The following DNAH7 variants were observed in gnomAD, a reference collection of about 807,000 sequenced individuals.
DNAH7 encodes dynein axonemal heavy chain 7.
In DNAH7, 397 loss-of-function variants were observed where a neutral mutation model predicts 444.6. The observed-to-expected ratio is 0.89, with a 90% CI of 0.82 to 0.97. The LOEUF (loss-of-function observed/expected upper bound fraction) is 0.97, where lower values mean the gene tolerates loss of function less well. Among genes scored for constraint, DNAH7 ranks in the 50% least tolerant of loss-of-function variants. The pLI is 0.00. For synonymous variants in DNAH7, 1,636 were observed against 1,624.4 expected (o/e 1.01, Z -0.17); for missense variants, 4,902 against 4,800.8 (o/e 1.02, Z -0.62).
In DNAH7 at chr2:196,001,692, A is replaced by C. The variant is rs1262277307; in HGVS notation, c.1156T>G (p.Leu386Val). The C allele has an allele frequency of 6.3e-7, 1 of 1,577,804 alleles. No homozygotes were observed. Among genetic ancestry groups the C allele is most frequent in the Non-Finnish European group, 8.6e-7 (1 of 1,162,324 alleles). ...TLVSMQDFTD[L>V]IAQPPDSVRA... ...ATACTTACTGGGGGTTGTGCAATTA[A>C]GTCCGTGAAATCTTGCATGGAGACT... Residue 386 changes from leucine to valine, a missense_variant, in exon 11 of 65, where the codon TTA becomes GTA. Coordinates refer to ENST00000312428, the MANE Select transcript of DNAH7 (RefSeq NM_018897.3).
rs1700847819 is a variant in DNAH7 at position 195,873,626 on chromosome 2, T to C, written c.6355A>G (p.Ser2119Gly). 7.2e-6 allele frequency: 11 copies of C among 1,526,362 alleles called. No individual in the cohort carries two copies. The highest frequency in any genetic ancestry group is 9.7e-6 in the Non-Finnish European group (11 of 1,137,578). The allele number at this position is 1,526,362 out of a possible 1,614,324, so 94.6% of individuals were successfully genotyped here. A position where few individuals can be genotyped will look rare whatever the true frequency, so the allele number is the denominator to read the frequency against. ...AAGATTGTATACATGGATTTATCAC[T>C]AAACTCATTGATTGTTATAATATTG... ...HFNIITINEFSDKSMYTIFSR... is the reference protein window; with the variant it reads ...HFNIITINEFGDKSMYTIFSR... The change falls in exon 39 of 65, where the codon AGT (serine) becomes GGT (glycine). Residue 2119 changes from serine to glycine, a missense_variant. Transcript: ENST00000312428.
In DNAH7 at chr2:195,980,404, TA is replaced by T. The variant is rs533261571; in HGVS notation, c.1833+4227del. On this transcript the variant is annotated intron_variant, in intron 15 of 64. Coordinates refer to ENST00000312428, the MANE Select transcript of DNAH7 (RefSeq NM_018897.3). ...CAGCCTTGCAGAACTGTGAGTCAAT[TA>T]AACCTCTTTCCTTTATAAGTCATCC... Among the ~76,000 whole-genome samples, 197 of 152,330 alleles carry T rather than the reference TA, an allele frequency of 1.3e-3. 1 individual carries two copies. In the Middle Eastern group the frequency reaches 0.017, roughly 13 times the overall value.
intron 19 of DNAH7, among the ~76,000 whole-genome samples, chr2:195,939,150 T>C (rs1386056779): frequency 6.6e-6 from 1 of 152,166 alleles, no homozygotes; most frequent in African/African-American, 2.4e-5. Flanking sequence ...CACAGACACT[T>C]GAAGCGACCC....
At chr2:195,887,263 A>G (rs374378023) in intron 33 of DNAH7, among the ~76,000 whole-genome samples, 29 of 151,752 alleles carry the variant, frequency 1.9e-4, no homozygotes, top group South Asian at 1.9e-3. Context: ...ACAATGCTGG[A>G]AAAAAAACCC....
At position 195,872,332 on chromosome 2, in the gene DNAH7, G is replaced by C; in HGVS notation, c.6551C>G (p.Ser2184Cys). 1.2e-6 allele frequency: 2 copies of C among 1,613,922 alleles called. No homozygotes were observed. Among genetic ancestry groups the C allele is most frequent in the Admixed American group, 1.7e-5 (1 of 59,996 alleles). The stretch of plus-strand genomic sequence containing the variant: ...CAAACAAACACCTTGAATGACACGG[G>C]AGAAATCACGGAGGTTGAACAAGTA... ...SHYLFNLRDF[S>C]RVIQGVCLSR... is the part of the protein sequence containing the mutation. Residue 2184 changes from serine to cysteine, a missense_variant, in exon 40 of 65, where the codon TCC (serine) becomes TGC (cysteine). By Grantham distance (112) the Ser-to-Cys change is moderately radical. Coordinates refer to ENST00000312428, the MANE Select transcript of DNAH7 (RefSeq NM_018897.3).
At chr2:195,915,762 T>C (rs940025852) in intron 24 of DNAH7, among the ~76,000 whole-genome samples, 1 of 152,150 alleles carries the variant, frequency 6.6e-6, no homozygotes. Context: ...CCACTATTTT[T>C]TCTCTTGGAT....
At chr2:195,804,406 A>G (rs575728242) in intron 54 of DNAH7, among the ~76,000 whole-genome samples, 1 of 152,342 alleles carries the variant, frequency 6.6e-6, no homozygotes, top group East Asian at 1.9e-4. Flanking sequence ...ATAACGGCAT[A>G]CTAACAATTA....
intron 14 of DNAH7, among the ~76,000 whole-genome samples, chr2:195,986,173 T>C (rs1466893584): frequency 6.6e-6 from 1 of 152,210 alleles, no homozygotes; most frequent in Non-Finnish European, 1.5e-5. Flanking sequence ...ATTAATTCTG[T>C]CCTCTCTGTT....
intron 53 of DNAH7, among the ~76,000 whole-genome samples, chr2:195,807,905 G>C (rs977483227): frequency 1.3e-5 from 2 of 152,126 alleles, no homozygotes; most frequent in African/African-American, 4.8e-5. Flanking sequence ...ATTTGAATTC[G>C]TGTGAAGACA....
intron 9 of DNAH7, among the ~76,000 whole-genome samples, chr2:196,018,348 GA>G (rs745526944): frequency 2.0e-5 from 3 of 151,638 alleles, no homozygotes; most frequent in South Asian, 2.1e-4. Flanking sequence ...AACATTTCTG[GA>G]AAAAAAATCC....
intron 17 of DNAH7, among the ~76,000 whole-genome samples, chr2:195,964,876 CAA>C (rs556506471): frequency 0.02 from 2,496 of 126,948 alleles, 65 homozygotes; most frequent in African/African-American, 0.064. Flanking sequence ...GACTCCGTCT[CAA>C]AAAAAAAAAA....
intron 48 of DNAH7, among the ~76,000 whole-genome samples, chr2:195,827,531 C>T (rs764259582): frequency 6.6e-6 from 1 of 152,150 alleles, no homozygotes; most frequent in Non-Finnish European, 1.5e-5. Context: ...ATCCACCCAC[C>T]CCAGCCTCCC....
chr2:195,917,128 G>A (rs1374094530), intron 24 of DNAH7, among the ~76,000 whole-genome samples: 1 of 144,344 alleles, frequency 6.9e-6, no homozygotes, highest in Non-Finnish European at 1.5e-5. Context: ...AAAAAAGATT[G>A]CATCACTGCA....
intron 54 of DNAH7, among the ~76,000 whole-genome samples, chr2:195,801,571 T>G (rs1696459490): frequency 6.6e-6 from 1 of 152,140 alleles, no homozygotes; most frequent in Non-Finnish European, 1.5e-5. Context: ...GAATTGTGTG[T>G]ATATACAACA....
intron 19 of DNAH7, among the ~76,000 whole-genome samples, chr2:195,955,466 C>T (rs951833634): frequency 6.6e-5 from 10 of 152,104 alleles, no homozygotes; most frequent in Admixed American, 6.6e-4. Context: ...CATGATGCCT[C>T]CAGCTTTGTT....
At chr2:195,747,359 CAA>C (rs1390280201) in intron 63 of DNAH7, among the ~76,000 whole-genome samples, 2 of 152,090 alleles carry the variant, frequency 1.3e-5, no homozygotes, top group East Asian at 1.9e-4. Flanking sequence ...GCTTACCAAC[CAA>C]AAAGAGTCCA....
rs758599675 is a variant in DNAH7, at chr2:195,858,823, A to T, written c.7737-19T>A. 2 of 1,576,774 alleles carry T rather than the reference A, an allele frequency of 1.3e-6. No individual in the cohort carries two copies. The highest frequency in any genetic ancestry group is 4.5e-5 in the East Asian group (2 of 44,650). On this transcript the variant is annotated intron_variant, in intron 42 of 64. Coordinates refer to ENST00000312428, the MANE Select transcript of DNAH7 (RefSeq NM_018897.3). ...TACTTCACTGGAAGGAAATAGATAA[A>T]ACAAAGTTAATCATGAGGCTCTGTA...
At chr2:195,802,276 T>G (rs1696500544) in intron 54 of DNAH7, among the ~76,000 whole-genome samples, 1 of 152,160 alleles carries the variant, frequency 6.6e-6, no homozygotes, top group Non-Finnish European at 1.5e-5. Context: ...TTTGGGAGGC[T>G]GAGGTGGGTG....
rs149456669 is a variant in DNAH7 at position 195,846,686 on chromosome 2, C to T, written c.8782-1521G>A. On this transcript the variant is annotated intron_variant, in intron 46 of 64. Transcript: ENST00000312428. The stretch of plus-strand genomic sequence containing the variant: ...GTCAGCTGGGAAAGGCAGACCCACC[C>T]TTAATCTGGGTAGGCACCATCTAAT... 4.7e-4 allele frequency among the ~76,000 whole-genome samples: 71 copies of T among 152,218 alleles called. 1 individual carries two copies. The East Asian group carries it at 0.011, about 24-fold the overall frequency.
Sources: gnomAD v4.1 joint callset for allele counts (sites outside exome capture counted in the v4.1 genomes callset) on GRCh38, gnomAD v4.1.1 for gene constraint, MANE v1.5 for transcripts, NCBI Gene and HGNC (gene_info 2026-07-23, HGNC 2026-07-21) for gene names.